TTC7B: variants seen among roughly 807,000 people sequenced by gnomAD.
The protein encoded by TTC7B is tetratricopeptide repeat protein 7B.
In TTC7B, 28 loss-of-function variants were observed where a neutral mutation model predicts 106.8. The observed-to-expected ratio is 0.26, with a 90% CI of 0.19 to 0.36. The LOEUF (loss-of-function observed/expected upper bound fraction) is 0.36, where lower values mean the gene tolerates loss of function less well. Among genes scored for constraint, TTC7B ranks in the 10% least tolerant of loss-of-function variants. The pLI is 1.00. For missense variants in TTC7B, 862 were observed against 1,076.4 expected (o/e 0.80, Z 2.79); for synonymous variants, 405 against 430.6 (o/e 0.94, Z 0.74).
intron 3 of TTC7B, among the ~76,000 whole-genome samples, chr14:90,774,777 C>T (rs1352369836): frequency 2.6e-5 from 4 of 152,228 alleles, no homozygotes; most frequent in East Asian, 1.9e-4. Context: ...CGGTGGCTCA[C>T]GCCTGTAATC....
At chr14:90,779,344 C>T (rs750671424) in intron 3 of TTC7B, among the ~76,000 whole-genome samples, 6 of 152,136 alleles carry the variant, frequency 3.9e-5, no homozygotes, top group Non-Finnish European at 7.3e-5. Flanking sequence ...GCTCTTGTCG[C>T]ACAGGCTGGA....
At chr14:90,629,030 G>T (rs1345375721) in intron 15 of TTC7B, among the ~76,000 whole-genome samples, 1 of 152,242 alleles carries the variant, frequency 6.6e-6, no homozygotes, top group South Asian at 2.1e-4. Flanking sequence ...TGCCATCTCC[G>T]GCCTTGGCCC....
intron 3 of TTC7B, among the ~76,000 whole-genome samples, chr14:90,756,462 C>T (rs1160506104): frequency 6.7e-6 from 1 of 148,544 alleles, no homozygotes; most frequent in Non-Finnish European, 1.5e-5. Context: ...GGCGCGATCT[C>T]GGCTCACTGC....
chr14:90,744,674 G>T, intron 4 of TTC7B, 118 bp downstream of exon 4: 1 of 1,084,868 alleles, frequency 9.2e-7, no homozygotes, highest in East Asian at 2.4e-5. Context: ...AGGAGTACAA[G>T]TAAAGCTTTG....
chr14:90,576,671 G>A (rs1467241486), intron 19 of TTC7B, among the ~76,000 whole-genome samples: 1 of 152,218 alleles, frequency 6.6e-6, no homozygotes, highest in Non-Finnish European at 1.5e-5. Flanking sequence ...TTCCCCAGGA[G>A]TCAGGACCAG....
At chr14:90,565,027 T>G (rs964413325) in intron 19 of TTC7B, among the ~76,000 whole-genome samples, 1 of 152,272 alleles carries the variant, frequency 6.6e-6, no homozygotes, top group African/African-American at 2.4e-5. Context: ...TGCACTTTTA[T>G]GTTATGAGAC....
chr14:90,718,528 A>G (rs1888747621), intron 5 of TTC7B, among the ~76,000 whole-genome samples: 1 of 152,186 alleles, frequency 6.6e-6, no homozygotes, highest in African/African-American at 2.4e-5. Flanking sequence ...ATGAGATCAT[A>G]TCCAGGAAGA....
At chr14:90,648,157 C>T (rs940933378) in intron 13 of TTC7B, among the ~76,000 whole-genome samples, 1 of 152,088 alleles carries the variant, frequency 6.6e-6, no homozygotes, top group Non-Finnish European at 1.5e-5. Context: ...TGTAATAGCT[C>T]ATATGCAGGT....
chr14:90,785,635 T>C (rs1205447703), intron 2 of TTC7B, among the ~76,000 whole-genome samples: 1 of 152,016 alleles, frequency 6.6e-6, no homozygotes, highest in East Asian at 1.9e-4. Context: ...GAAAACAGAA[T>C]GGACAGATAG....
At chr14:90,581,227 C>A (rs1713168308) in intron 18 of TTC7B, among the ~76,000 whole-genome samples, 1 of 152,218 alleles carries the variant, frequency 6.6e-6, no homozygotes, top group Non-Finnish European at 1.5e-5. Context: ...CAGCACCATG[C>A]ACTGAGCCCT....
At chr14:90,815,806 G>A (rs558601437) in intron 1 of TTC7B, among the ~76,000 whole-genome samples, 3 of 151,992 alleles carry the variant, frequency 2.0e-5, no homozygotes, top group African/African-American at 7.2e-5. Context: ...TGTCCTGAGG[G>A]ACCCCCTCAC....
rs569517456 is a variant in TTC7B at position 90,616,113 on chromosome 14, G to T, written c.1868+1816C>A. 7.2e-5 allele frequency among the ~76,000 whole-genome samples: 11 copies of T among 152,250 alleles called. 1 individual carries two copies. In the South Asian group the frequency reaches 2.3e-3, roughly 32 times the overall value. ...AATGTGGGGAGGTGGGAGAGGTGTG[G>T]GGAACTGAGGGGAAATTGGCAACAC... On this transcript the variant is annotated intron_variant, in intron 16 of 19. Transcript: ENST00000328459.
chr14:90,716,296 C>T lies in TTC7B; in HGVS notation c.698+13779G>A, dbSNP rs146205940. On this transcript the variant is annotated intron_variant, in intron 5 of 19. Coordinates refer to ENST00000328459, the MANE Select transcript of TTC7B (RefSeq NM_001010854.2). ...GATAGCAACTGGGGGATGGTAGTGG[C>T]TGAGGAACCCAATCAGACACTGAGG... Among the ~76,000 whole-genome samples, 755 of 152,282 alleles carry T rather than the reference C, an allele frequency of 5.0e-3. 4 individuals carry two copies. Among genetic ancestry groups the T allele is most frequent in the Admixed American group, 0.01 (156 of 15,302 alleles).
intron 17 of TTC7B, among the ~76,000 whole-genome samples, chr14:90,609,017 C>T (rs1431658918): frequency 6.6e-6 from 1 of 152,202 alleles, no homozygotes; most frequent in Admixed American, 6.5e-5. Context: ...GTTTCACTTC[C>T]TTCTCTTCCC....
intron 1 of TTC7B, among the ~76,000 whole-genome samples, chr14:90,793,054 C>T (rs193110704): frequency 2.5e-4 from 38 of 152,266 alleles, no homozygotes; most frequent in African/African-American, 8.9e-4. Flanking sequence ...ATGCTGTTCT[C>T]ATGAGACTGT....
At chr14:90,752,785 A>G (rs1186157118) in intron 3 of TTC7B, among the ~76,000 whole-genome samples, 1 of 152,260 alleles carries the variant, frequency 6.6e-6, no homozygotes. Context: ...CCCCTGGTCT[A>G]TCTGACTACA....
chr14:90,784,598 G>C lies in TTC7B; in HGVS notation c.276+1576C>G, dbSNP rs114910124. Among the ~76,000 whole-genome samples the C allele has an allele frequency of 1.7e-3, 261 of 152,250 alleles. 3 individuals carry two copies. Among genetic ancestry groups the C allele is most frequent in the African/African-American group, 5.5e-3 (229 of 41,552 alleles). The stretch of plus-strand genomic sequence containing the variant: ...ATGAGATGGATGAGATGGAGATGGG[G>C]TTTCGCCATGTTGGCCAGGCTGGTA... On this transcript the variant is annotated intron_variant, in intron 2 of 19. Transcript: ENST00000328459.
At chr14:90,548,941 C>T (rs931271621) in intron 19 of TTC7B, among the ~76,000 whole-genome samples, 10 of 152,132 alleles carry the variant, frequency 6.6e-5, no homozygotes, top group Middle Eastern at 3.4e-3. Context: ...TCCTGGCTAA[C>T]ACGGTGAAAC....
chr14:90,774,777 C>G (rs1352369836), intron 3 of TTC7B, among the ~76,000 whole-genome samples: 1 of 152,228 alleles, frequency 6.6e-6, no homozygotes, highest in Non-Finnish European at 1.5e-5. Flanking sequence ...CGGTGGCTCA[C>G]GCCTGTAATC....
Sources: allele counts gnomAD v4.1 joint callset (sites outside exome capture counted in the v4.1 genomes callset), GRCh38; gene constraint gnomAD v4.1.1; transcripts MANE v1.5; gene names NCBI Gene and HGNC (gene_info 2026-07-23, HGNC 2026-07-21).